CDK17: variants seen among roughly 807,000 people sequenced by gnomAD.
CDK17 encodes cyclin-dependent kinase 17.
Under a neutral mutation model 77.6 loss-of-function variants are expected in CDK17, and 24 were observed. That is an observed-to-expected ratio of 0.31 (90% CI 0.22 to 0.44). The LOEUF is 0.44. Ranked by LOEUF, CDK17 falls within the 20% of genes least tolerant of loss-of-function variation. The pLI is 1.00. For missense variants in CDK17, 429 were observed against 622.5 expected (o/e 0.69, Z 3.31); for synonymous variants, 203 against 210.4 (o/e 0.96, Z 0.30).
At chr12:96,335,558 CAT>C (rs1270293282) in intron 1 of CDK17, among the ~76,000 whole-genome samples, 6 of 152,196 alleles carry the variant, frequency 3.9e-5, no homozygotes, top group African/African-American at 7.2e-5. Context: ...CATTTTCACA[CAT>C]GAGGAAACGT....
intron 1 of CDK17, among the ~76,000 whole-genome samples, chr12:96,341,888 CTTA>C (rs1953127407): frequency 6.6e-6 from 1 of 152,106 alleles, no homozygotes; most frequent in East Asian, 1.9e-4. Flanking sequence ...TATAAAAGGA[CTTA>C]TTAGAGTGGC....
chr12:96,292,366 G>A (rs1032520269), intron 10 of CDK17, among the ~76,000 whole-genome samples: 1 of 152,026 alleles, frequency 6.6e-6, no homozygotes, highest in Non-Finnish European at 1.5e-5. Context: ...AGCATTTTGG[G>A]AGGCCAAGGC....
chr12:96,295,731 C>T (rs898603066), intron 9 of CDK17, among the ~76,000 whole-genome samples: 7 of 152,220 alleles, frequency 4.6e-5, no homozygotes, highest in Admixed American at 1.3e-4. Flanking sequence ...GCACCTCCTA[C>T]TTAGCCTTCA....
At position 96,334,871 on chromosome 12, in the gene CDK17, A is replaced by C; in HGVS notation, c.-29-6T>G. 1 of 1,101,040 alleles carries C rather than the reference A, an allele frequency of 9.1e-7. No homozygotes were observed. 68.2% of individuals were successfully genotyped at this position (1,101,040 alleles called of 1,614,324 possible). A position where few individuals can be genotyped will look rare whatever the true frequency, so the allele number is the denominator to read the frequency against. ...TGAATGTGGCTTGAAAAATCCTGAA[A>C]GAAAAGAATAAACACAAAACTAAAG... On this transcript the variant is annotated splice_region_variant and splice_polypyrimidine_tract_variant and intron_variant, in intron 1 of 16. Transcript: ENST00000261211.
At chr12:96,331,272 A>G (rs1363495099) in intron 2 of CDK17, among the ~76,000 whole-genome samples, 2 of 152,214 alleles carry the variant, frequency 1.3e-5, no homozygotes, top group East Asian at 3.8e-4. Context: ...AAAACTGAAC[A>G]TTAAACACTT....
At chr12:96,308,255 T>G (rs201009872) in intron 5 of CDK17, among the ~76,000 whole-genome samples, 10,065 of 135,398 alleles carry the variant, frequency 0.074, 500 homozygotes, top group South Asian at 0.17. Context: ...AAAAAAAAGT[T>G]TTTTAATTAG....
intron 6 of CDK17, among the ~76,000 whole-genome samples, chr12:96,300,019 T>C (rs997659718): frequency 2.0e-5 from 3 of 152,338 alleles, no homozygotes; most frequent in South Asian, 4.1e-4. Flanking sequence ...GGCAGTAGAC[T>C]AAGTGACAAA....
At chr12:96,289,357 A>G in intron 10 of CDK17, 70 bp from the exon 11 acceptor site, 1 of 1,552,550 alleles carries the variant, frequency 6.4e-7, no homozygotes, top group Non-Finnish European at 8.9e-7. Context: ...TATTCTCACC[A>G]TGACTCCATT....
intron 1 of CDK17, among the ~76,000 whole-genome samples, chr12:96,341,178 A>G (rs1393675336): frequency 6.6e-5 from 10 of 152,174 alleles, no homozygotes; most frequent in Admixed American, 2.6e-4. Context: ...TTCTATGAAT[A>G]TTAAGATAGA....
chr12:96,354,032 C>A (rs1953357582), intron 1 of CDK17, among the ~76,000 whole-genome samples: 1 of 152,124 alleles, frequency 6.6e-6, no homozygotes, highest in Non-Finnish European at 1.5e-5. Flanking sequence ...TTAAAGTTAA[C>A]AAGTAGACAA....
chr12:96,379,559 A>G (rs1215206720), intron 1 of CDK17, among the ~76,000 whole-genome samples: 2 of 151,890 alleles, frequency 1.3e-5, no homozygotes, highest in African/African-American at 4.8e-5. Flanking sequence ...TTGAGTAACT[A>G]GGACTGCAGG....
chr12:96,289,373 G>A, intron 10 of CDK17, 86 bp from the exon 11 acceptor site: 2 of 1,452,104 alleles, frequency 1.4e-6, no homozygotes, highest in East Asian at 2.3e-5. Context: ...CCATTCAAAG[G>A]GATGCCTGAA....
intron 2 of CDK17, among the ~76,000 whole-genome samples, chr12:96,328,136 C>A (rs1437570556): frequency 1.3e-5 from 2 of 152,102 alleles, no homozygotes; most frequent in Admixed American, 6.6e-5. Context: ...CATAGGAGTA[C>A]TAACGCTGTT....
At chr12:96,314,393 A>T (rs1050744206) in intron 3 of CDK17, among the ~76,000 whole-genome samples, 11 of 151,934 alleles carry the variant, frequency 7.2e-5, no homozygotes, top group Non-Finnish European at 2.9e-5. Context: ...TTTTGTAGAG[A>T]CAAGGTTTTG....
At chr12:96,347,565 G>A (rs546336661) in intron 1 of CDK17, among the ~76,000 whole-genome samples, 1 of 123,836 alleles carries the variant, frequency 8.1e-6, no homozygotes, top group Admixed American at 8.6e-5. Flanking sequence ...CTCACAGAAA[G>A]GGGAAGGGAA....
chr12:96,298,331 T>C (rs1182328479), intron 7 of CDK17, among the ~76,000 whole-genome samples: 1 of 152,082 alleles, frequency 6.6e-6, no homozygotes, highest in Non-Finnish European at 1.5e-5. Context: ...TCTTTTATAC[T>C]ACTGGGTTTG....
intron 1 of CDK17, among the ~76,000 whole-genome samples, chr12:96,375,254 GTCCT>G (rs1354658001): frequency 2.0e-5 from 3 of 152,128 alleles, no homozygotes; most frequent in African/African-American, 7.2e-5. Context: ...AGTTTGACCA[GTCCT>G]TCATTATCCT....
At chr12:96,372,111 A>G (rs2137209740) in intron 1 of CDK17, among the ~76,000 whole-genome samples, 1 of 152,288 alleles carries the variant, frequency 6.6e-6, no homozygotes, top group African/African-American at 2.4e-5. Flanking sequence ...ATTTATGACA[A>G]TAATAGTTAT....
At chr12:96,364,449 A>AT (rs1412275570) in intron 1 of CDK17, among the ~76,000 whole-genome samples, 2 of 152,214 alleles carry the variant, frequency 1.3e-5, no homozygotes, top group Admixed American at 1.3e-4. Context: ...GATGAACAGT[A>AT]TATCACCATA....
Sources: allele counts gnomAD v4.1 joint callset (sites outside exome capture counted in the v4.1 genomes callset), GRCh38; gene constraint gnomAD v4.1.1; transcripts MANE v1.5; gene names NCBI Gene and HGNC (gene_info 2026-07-23, HGNC 2026-07-21).